Variants in SFSWAP observed in about 807,000 individuals in gnomAD.
SFSWAP encodes the protein splicing factor SWAP, also known as splicing factor, suppressor of white-apricot homolog.
SFSWAP carries 17 observed loss-of-function variants against 100.7 expected under a neutral mutation model. That is an observed-to-expected ratio of 0.17 (90% CI 0.12 to 0.25). The LOEUF (loss-of-function observed/expected upper bound fraction) is 0.25. Ranked by LOEUF, SFSWAP falls within the 10% of genes least tolerant of loss-of-function variation. The probability of loss-of-function intolerance (pLI) is 1.00; values close to 1 mark genes in which losing one functional copy is unlikely to be tolerated. For synonymous variants in SFSWAP, 504 were observed against 510.1 expected, an observed-to-expected ratio of 0.99 and a Z score of 0.16; for missense variants, 1,005 against 1,262.6, an observed-to-expected ratio of 0.80 and a Z score of 3.09.
Position 131,730,033 on chromosome 12 carries a change from A to G in SFSWAP, c.1081+1605A>G, listed in dbSNP as rs1024209096. 2.5e-4 allele frequency among the ~76,000 whole-genome samples: 38 copies of G among 152,344 alleles called. 1 individual carries two copies. Among genetic ancestry groups the G allele is most frequent in the Admixed American group, 1.1e-3 (17 of 15,308 alleles). Reference sequence around the variant, plus strand: ...TAAATGATTAAATCAAGTCATATCAAATTTCACTGAATGTTCAAATCAGAG... The same window carrying G: ...TAAATGATTAAATCAAGTCATATCAGATTTCACTGAATGTTCAAATCAGAG... On this transcript the variant is annotated intron_variant, in intron 7 of 17. Coordinates refer to ENST00000261674, the MANE Select transcript of SFSWAP (RefSeq NM_004592.4). The surrounding 1 kb of genome is among the most constrained non-coding windows in gnomAD (Gnocchi z 4.0).
intron 9 of SFSWAP, 128 bp downstream of exon 9, chr12:131,754,627 CTTTTTTTTTTT>C (rs869226840): frequency 3.7e-5 from 3 of 80,756 alleles, no homozygotes; most frequent in African/African-American, 5.9e-5. Flanking sequence ...GCTCAAATGT[CTTTTTTTTTTT>C]TTTTTTTTTT....
At chr12:131,773,339 A>AT (rs571059933) in intron 13 of SFSWAP, among the ~76,000 whole-genome samples, 95 of 151,748 alleles carry the variant, frequency 6.3e-4, no homozygotes, top group African/African-American at 2.2e-3. Flanking sequence ...GATTCCACAA[A>AT]TTTTTTTTCT....
intron 11 of SFSWAP, among the ~76,000 whole-genome samples, chr12:131,763,312 A>G (rs1183858968): frequency 6.6e-6 from 1 of 152,142 alleles, no homozygotes; most frequent in Admixed American, 6.5e-5. Flanking sequence ...CTTCCCTCTC[A>G]GTCACCTGGT....
At chr12:131,791,773 C>CT (rs144657528) in intron 15 of SFSWAP, among the ~76,000 whole-genome samples, 1 of 152,226 alleles carries the variant, frequency 6.6e-6, no homozygotes, top group Non-Finnish European at 1.5e-5. Flanking sequence ...AAGGGATACT[C>CT]TTTTTTAAAA....
intron 7 of SFSWAP, among the ~76,000 whole-genome samples, chr12:131,749,394 C>T (rs1306671958): frequency 1.3e-5 from 2 of 152,176 alleles, no homozygotes; most frequent in Admixed American, 1.3e-4. Context: ...GTGGCTTTTG[C>T]CAGCCCAGAC....
At chr12:131,739,128 T>A (rs149765438) in intron 7 of SFSWAP, among the ~76,000 whole-genome samples, 1 of 152,080 alleles carries the variant, frequency 6.6e-6, no homozygotes, top group Admixed American at 6.5e-5. Flanking sequence ...TCCACCCACC[T>A]TGGCCTCCCA....
Position 131,733,261 on chromosome 12 carries a change from A to G in SFSWAP, c.1081+4833A>G, listed in dbSNP as rs1299017350. On this transcript the variant is annotated intron_variant, in intron 7 of 17. Transcript: ENST00000261674. This position sits in a 1 kb window ranked among gnomAD's most constrained non-coding sequence, Gnocchi z 5.1. ...GGAGCTCCTCACCCTGCCCTGTGAGAACTTTCGTATGTGTGTCTCTGCCAT... is the reference window on the plus strand; with the variant it reads ...GGAGCTCCTCACCCTGCCCTGTGAGGACTTTCGTATGTGTGTCTCTGCCAT... 6.6e-6 allele frequency among the ~76,000 whole-genome samples: 1 copy of G among 152,038 alleles called. No homozygotes were observed. Among genetic ancestry groups the G allele is most frequent in the Non-Finnish European group, 1.5e-5 (1 of 67,996 alleles).
At chr12:131,766,386 G>T in intron 13 of SFSWAP, 78 bp downstream of exon 13, 1 of 1,355,678 alleles carries the variant, frequency 7.4e-7, no homozygotes, top group South Asian at 1.3e-5. Context: ...CCCTCCAGCT[G>T]CCCTAGTCTC....
At chr12:131,790,503 A>G (rs1885167589) in intron 15 of SFSWAP, among the ~76,000 whole-genome samples, 1 of 152,246 alleles carries the variant, frequency 6.6e-6, no homozygotes, top group Admixed American at 6.5e-5. Flanking sequence ...TGAGTATGTC[A>G]TAAAAGTGTT....
At chr12:131,748,959 A>G (rs1881378469) in intron 7 of SFSWAP, among the ~76,000 whole-genome samples, 1 of 152,268 alleles carries the variant, frequency 6.6e-6, no homozygotes, top group Admixed American at 6.5e-5. Context: ...TAAAATCCTA[A>G]GAACAGCAAC....
intron 11 of SFSWAP, among the ~76,000 whole-genome samples, chr12:131,759,861 A>G (rs1157482493): frequency 1.3e-5 from 2 of 152,186 alleles, no homozygotes; most frequent in African/African-American, 2.4e-5. Flanking sequence ...GGATTGTTCC[A>G]GGAATCCCAG....
chr12:131,786,141 G>T (rs1203401665), intron 14 of SFSWAP, among the ~76,000 whole-genome samples: 1 of 152,190 alleles, frequency 6.6e-6, no homozygotes, highest in Admixed American at 6.5e-5. Flanking sequence ...GGCTCATGGG[G>T]AATTGGTTGC....
intron 7 of SFSWAP, among the ~76,000 whole-genome samples, chr12:131,745,201 A>G (rs1460483410): frequency 6.6e-6 from 1 of 152,234 alleles, no homozygotes; most frequent in South Asian, 2.1e-4. Flanking sequence ...CTTTGGGCTT[A>G]CATCTTAAGG....
Position 131,764,454 on chromosome 12 carries a change from A to T in SFSWAP, c.1721-2A>T. Reference sequence around the variant, plus strand: ...ATCATAATTCTCACCTTTCCTCAATAGCTTCCTTTGCTCCAATAAGCTTTG... The same window carrying T: ...ATCATAATTCTCACCTTTCCTCAATTGCTTCCTTTGCTCCAATAAGCTTTG... On this transcript the variant is annotated splice_acceptor_variant, in intron 11 of 17. Transcript: ENST00000261674. LOFTEE classifies it high-confidence loss of function. 1 of 1,612,402 alleles carries T rather than the reference A, an allele frequency of 6.2e-7. No homozygotes were observed. The highest frequency in any genetic ancestry group is 8.5e-7 in the Non-Finnish European group (1 of 1,178,446).
chr12:131,795,915 C>G (rs1413377105), intron 15 of SFSWAP, among the ~76,000 whole-genome samples: 1 of 147,558 alleles, frequency 6.8e-6, no homozygotes. Flanking sequence ...CAGAGGGCCC[C>G]GCAGCCCTAC....
intron 7 of SFSWAP, among the ~76,000 whole-genome samples, chr12:131,737,388 G>A (rs1229357311): frequency 3.3e-5 from 5 of 152,214 alleles, no homozygotes; most frequent in African/African-American, 7.2e-5. Context: ...TCACCTGCCC[G>A]TTTGCGCTGC....
In SFSWAP at chr12:131,720,925, T is replaced by C. The variant is rs890976489; in HGVS notation, c.606+1386T>C. Among the ~76,000 whole-genome samples, 7 of 152,162 alleles carry C rather than the reference T, an allele frequency of 4.6e-5. No individual in the cohort carries two copies. In the East Asian group the frequency reaches 7.7e-4, roughly 17 times the overall value. ...TAAAAAAATACCTGAGACTGGGTAATTTATAAAGAAGAGGTTTAATTGGCT... is the reference window on the plus strand; with the variant it reads ...TAAAAAAATACCTGAGACTGGGTAACTTATAAAGAAGAGGTTTAATTGGCT... On this transcript the variant is annotated intron_variant, in intron 4 of 17. Coordinates refer to ENST00000261674, the MANE Select transcript of SFSWAP (RefSeq NM_004592.4).
intron 7 of SFSWAP, among the ~76,000 whole-genome samples, chr12:131,738,008 C>T (rs1880201446): frequency 6.6e-6 from 1 of 151,968 alleles, no homozygotes. Flanking sequence ...AGTAATTATG[C>T]AGGAGGCAGT....
At position 131,714,333 on chromosome 12, in the gene SFSWAP, C is replaced by CT; in HGVS notation, c.388+96dup. On this transcript the variant is annotated intron_variant, in intron 2 of 17. Coordinates refer to ENST00000261674, the MANE Select transcript of SFSWAP (RefSeq NM_004592.4). The surrounding 1 kb of genome is among the most constrained non-coding windows in gnomAD (Gnocchi z 6.0). ...TCCCATTCATTTTTTTATACTCACT[C>CT]TTTCTGATATTATCTTGACAGTACC... is the stretch of plus-strand genomic sequence containing the variant. The CT allele has an allele frequency of 9.5e-7, 1 of 1,051,948 alleles. No homozygotes were observed. Among genetic ancestry groups the CT allele is most frequent in the South Asian group, 1.6e-5 (1 of 62,344 alleles). 65.2% of individuals were successfully genotyped at this position (1,051,948 alleles called of 1,614,324 possible).
Sources: allele counts gnomAD v4.1 joint callset (sites outside exome capture counted in the v4.1 genomes callset), GRCh38; gene constraint gnomAD v4.1.1; non-coding constraint Gnocchi (gnomAD v3.1); transcripts MANE v1.5; gene names NCBI Gene and HGNC (gene_info 2026-07-23, HGNC 2026-07-21).